The following RNPC3 variants were observed in gnomAD, a reference collection of about 807,000 sequenced individuals.
RNPC3 encodes the protein RNA-binding region-containing protein 3.
RNPC3 carries 48 observed loss-of-function variants against 67.5 expected under a neutral mutation model. The ratio of observed to expected loss-of-function variants is 0.71; its 90% CI spans 0.56 to 0.90. The LOEUF is 0.90. Ranked by LOEUF, RNPC3 falls within the 40% of genes least tolerant of loss-of-function variation. The pLI is 0.00. For synonymous variants in RNPC3, 239 were observed against 210.3 expected (o/e 1.14, Z -1.18); for missense variants, 637 against 626.1 (o/e 1.02, Z -0.19).
chr1:103,546,127 T>G, intron 10 of RNPC3, 121 bp from the exon 11 acceptor site: 1 of 443,054 alleles, frequency 2.3e-6, no homozygotes, highest in South Asian at 5.3e-5. Context: ...AGTGAAAATT[T>G]TAACATTTTC....
chr1:103,537,330 T>C lies in RNPC3; in HGVS notation c.625-12T>C, dbSNP rs1210027143. On this transcript the variant is annotated splice_polypyrimidine_tract_variant and intron_variant, in intron 6 of 14. Transcript: ENST00000423855. ...GACTGCCATAGTATTTTTGTTTTAT[T>C]CTTTTAATTAGTATGAAGACTATAT... 5 of 1,515,538 alleles carry C rather than the reference T, an allele frequency of 3.3e-6. No homozygotes were observed. The highest frequency in any genetic ancestry group is 1.8e-6 in the Non-Finnish European group (2 of 1,137,372). 93.9% of individuals were successfully genotyped at this position (1,515,538 alleles called of 1,614,324 possible).
chr1:103,533,659 A>G, intron 2 of RNPC3, 80 bp from the exon 3 acceptor site: 1 of 763,570 alleles, frequency 1.3e-6, no homozygotes, highest in Non-Finnish European at 2.1e-6. Flanking sequence ...GCAAAAAAAA[A>G]AAAAAGTATA....
In RNPC3 at chr1:103,533,742, T is replaced by C; in HGVS notation, c.244T>C (p.Leu82=). 1 of 1,497,138 alleles carries C rather than the reference T, an allele frequency of 6.7e-7. No homozygotes were observed. The highest frequency in any genetic ancestry group is 9.0e-7 in the Non-Finnish European group (1 of 1,111,840). 92.7% of individuals were successfully genotyped at this position (1,497,138 alleles called of 1,614,324 possible). A position where few individuals can be genotyped will look rare whatever the true frequency, so the allele number is the denominator to read the frequency against. Residue 82 remains leucine (L), a synonymous_variant, in exon 3 of 15, where the codon TTG becomes CTG. Transcript: ENST00000423855. ...ACTCTTGTTCTTTTAACTGAAGGCA[T>C]TGACAAGACTCCATCAACTGAAACT... ...FPNEKAAIKA[L]TRLHQLKLLG... is the part of the protein sequence containing the mutation.
Position 103,535,351 on chromosome 1 carries a change from A to G in RNPC3, c.465A>G (p.Ser155=), listed in dbSNP as rs760323440. The stretch of plus-strand genomic sequence containing the variant: ...ATAGGCTGACTTTTCCTTTAAATTC[A>G]TGCCTCAAGTATATGTACCCACCAC... ...PNHGLTFPLN[S]CLKYMYPPPS... is the part of the protein sequence containing the mutation. Residue 155 remains serine (S), a synonymous_variant, in exon 5 of 15, where the codon TCA becomes TCG. Transcript: ENST00000423855. 15 of 1,534,340 alleles carry G rather than the reference A, an allele frequency of 9.8e-6. No homozygotes were observed. Among genetic ancestry groups the G allele is most frequent in the South Asian group, 9.6e-5 (8 of 83,628 alleles).
Position 103,543,426 on chromosome 1 carries a change from A to C in RNPC3, c.1024A>C (p.Asn342His), listed in dbSNP as rs186426068. ...AFKKDLEKEQ[N>H]CEEKNHDLPA... ...TAAGAAAGATTTAGAAAAGGAACAA[A>C]ATTGTGAGGAAAAAAATCATGGTAA... Residue 342 changes from asparagine to histidine, a missense_variant, in exon 9 of 15, where the codon AAT becomes CAT. Coordinates refer to ENST00000423855, the MANE Select transcript of RNPC3 (RefSeq NM_017619.4). The C allele has an allele frequency of 1.5e-3, 2,202 of 1,510,122 alleles. 6 individuals carry two copies. The highest frequency in any genetic ancestry group is 1.9e-3 in the Non-Finnish European group (2,107 of 1,135,876). The allele number at this position is 1,510,122 out of a possible 1,614,324, so 93.5% of individuals were successfully genotyped here. A position where few individuals can be genotyped will look rare whatever the true frequency, so the allele number is the denominator to read the frequency against.
At chr1:103,539,062 G>C (rs1217130689) in intron 7 of RNPC3, among the ~76,000 whole-genome samples, 1 of 152,146 alleles carries the variant, frequency 6.6e-6, no homozygotes, top group African/African-American at 2.4e-5. Flanking sequence ...CTAATGAGTT[G>C]GTGTGGCCTT....
At position 103,546,236 on chromosome 1, in the gene RNPC3, T is replaced by C. The variant is rs1340070880; in HGVS notation, c.1208-12T>C. The C allele has an allele frequency of 7.9e-7, 1 of 1,260,882 alleles. No homozygotes were observed. Among genetic ancestry groups the C allele is most frequent in the African/African-American group, 1.6e-5 (1 of 64,380 alleles). The allele number at this position is 1,260,882 out of a possible 1,614,324, so 78.1% of individuals were successfully genotyped here. A position where few individuals can be genotyped will look rare whatever the true frequency, so the allele number is the denominator to read the frequency against. On this transcript the variant is annotated splice_polypyrimidine_tract_variant and intron_variant, in intron 10 of 14. Coordinates refer to ENST00000423855, the MANE Select transcript of RNPC3 (RefSeq NM_017619.4). Reference sequence around the variant, plus strand: ...TTTAATTTTATATCTTTGTTTTTTGTTTTTTAATAAGAAATGGAAACACTT... The same window carrying C: ...TTTAATTTTATATCTTTGTTTTTTGCTTTTTAATAAGAAATGGAAACACTT...
chr1:103,552,414 T>G (rs1312776740), intron 14 of RNPC3: 3 of 144,212 alleles, frequency 2.1e-5, no homozygotes, highest in Non-Finnish European at 3.0e-5. Context: ...CTCTTAAAAT[T>G]AACCTAAAGT....
chr1:103,526,299 A>T, intron 1 of RNPC3, 37 bp downstream of exon 1: 1 of 1,478,750 alleles, frequency 6.8e-7, no homozygotes, highest in East Asian at 2.6e-5. Flanking sequence ...CCGGGAAGGC[A>T]TTTGGGAAGT....
intron 1 of RNPC3, among the ~76,000 whole-genome samples, chr1:103,526,609 A>G (rs1327660740): frequency 1.3e-5 from 2 of 152,200 alleles, no homozygotes; most frequent in African/African-American, 4.8e-5. Context: ...ATTCTTACAA[A>G]TGTGCATCAA....
chr1:103,535,924 G>A (rs558147490), intron 5 of RNPC3, among the ~76,000 whole-genome samples: 2 of 152,176 alleles, frequency 1.3e-5, no homozygotes, highest in Admixed American at 1.3e-4. Context: ...AATTGAACAT[G>A]TAGAATTGAC....
intron 2 of RNPC3, among the ~76,000 whole-genome samples, chr1:103,530,861 T>C (rs1650831922): frequency 6.6e-6 from 1 of 152,156 alleles, no homozygotes; most frequent in South Asian, 2.1e-4. Flanking sequence ...TTTATTCCAG[T>C]AGGTTTTGGG....
At chr1:103,535,499 T>A in intron 5 of RNPC3, 58 bp downstream of exon 5, 3 of 1,003,408 alleles carry the variant, frequency 3.0e-6, no homozygotes, top group Non-Finnish European at 4.4e-6. Context: ...TACTTTATTT[T>A]TCATGCTGAT....
intron 12 of RNPC3, among the ~76,000 whole-genome samples, chr1:103,550,577 C>T (rs564419905): frequency 2.4e-4 from 35 of 143,360 alleles, no homozygotes; most frequent in Non-Finnish European, 4.5e-4. Flanking sequence ...GGAGATGGAG[C>T]TTGCAGTGAG....
At position 103,534,832 on chromosome 1, in the gene RNPC3, GA is replaced by G; in HGVS notation, c.422del (p.Asn141MetfsTer9). ...AAAAGAACTTGGTTATTTAACAGTA[GA>G]AAATGGAATTGCACCAAACCATGGG... ...EKKELGYLTV[E>X]NGIAPNHGLT... On this transcript the variant is annotated frameshift_variant, in exon 4 of 15. Coordinates refer to ENST00000423855, the MANE Select transcript of RNPC3 (RefSeq NM_017619.4). LOFTEE classifies it high-confidence loss of function. 1 of 1,532,924 alleles carries G rather than the reference GA, an allele frequency of 6.5e-7. No homozygotes were observed. The highest frequency in any genetic ancestry group is 8.7e-7 in the Non-Finnish European group (1 of 1,144,622). 95.0% of individuals were successfully genotyped at this position (1,532,924 alleles called of 1,614,324 possible).
In RNPC3 at chr1:103,526,104, A is replaced by G. The variant is rs1570612434; in HGVS notation, c.34A>G (p.Arg12Gly). 1 of 1,549,740 alleles carries G rather than the reference A, an allele frequency of 6.5e-7. No homozygotes were observed. The highest frequency in any genetic ancestry group is 2.5e-5 in the East Asian group (1 of 40,772). ...AAPEQPLAISRGCTSSSSLSP... is the reference protein window; with the variant it reads ...AAPEQPLAISGGCTSSSSLSP... ...TCCCGAGCAGCCGCTTGCGATATCA[A>G]GGGGATGCACGAGCTCCTCCTCGCT... Residue 12 changes from arginine (R) to glycine (G), a missense_variant, in exon 1 of 15, where the codon AGG becomes GGG. By Grantham distance (125) the Arg-to-Gly change is moderately radical (BLOSUM62 -2). This residue lies in a region of RNPC3 where 536 missense variants were observed against 500.3 expected (regional missense o/e 1.07). Transcript: ENST00000423855.
chr1:103,551,138 T>C, intron 13 of RNPC3, 65 bp downstream of exon 13: 1 of 1,372,396 alleles, frequency 7.3e-7, no homozygotes, highest in Non-Finnish European at 9.8e-7. Flanking sequence ...TGAAATTAAT[T>C]TTCATGTTAC....
At chr1:103,537,580 T>C in intron 7 of RNPC3, 96 bp downstream of exon 7, 1 of 989,424 alleles carries the variant, frequency 1.0e-6, no homozygotes, top group Non-Finnish European at 1.4e-6. Context: ...TAATACTTAA[T>C]AGTTTGGGGT....
intron 13 of RNPC3, 92 bp from the exon 14 acceptor site, chr1:103,551,629 A>ATACTCCCAAAATTAAAAAACCT: frequency 1.3e-6 from 1 of 759,278 alleles, no homozygotes; most frequent in Non-Finnish European, 2.1e-6. Flanking sequence ...TTAAAAAACC[A>ATACTCCCAAAATTAAAAAACCT]TACTCCCACC....
Sources: gnomAD v4.1 joint callset for allele counts (sites outside exome capture counted in the v4.1 genomes callset) on GRCh38, gnomAD v4.1.1 for gene constraint, gnomAD v4.1.1 regional missense constraint, MANE v1.5 for transcripts, NCBI Gene and HGNC (gene_info 2026-07-23, HGNC 2026-07-21) for gene names.